The following PBX3 variants were observed in gnomAD, a reference collection of about 807,000 sequenced individuals.
The protein encoded by PBX3 is PBX homeobox 3, also known as pre-B-cell leukemia transcription factor 3.
A neutral mutation model predicts 48.5 loss-of-function variants in PBX3; 14 were observed. That is an observed-to-expected ratio of 0.29 (90% CI 0.19 to 0.45). The LOEUF is 0.45. Among genes scored for constraint, PBX3 ranks in the 20% least tolerant of loss-of-function variants. PBX3 has a pLI of 1.00. For synonymous variants in PBX3, 210 were observed against 200.3 expected, an observed-to-expected ratio of 1.05 and a Z score of -0.41; for missense variants, 386 against 546.7, an observed-to-expected ratio of 0.71 and a Z score of 2.93.
At chr9:125,902,652 A>G (rs969717644) in intron 2 of PBX3, among the ~76,000 whole-genome samples, 1 of 151,728 alleles carries the variant, frequency 6.6e-6, no homozygotes, top group African/African-American at 2.4e-5. Context: ...TAAATATTTG[A>G]AAGTATGCAC....
chr9:125,885,592 A>G (rs994885958), intron 2 of PBX3, among the ~76,000 whole-genome samples: 8 of 152,040 alleles, frequency 5.3e-5, no homozygotes, highest in African/African-American at 1.9e-4. Context: ...AAGGCTTCCA[A>G]CTGTGACACA....
chr9:125,793,442 T>G (rs2132072380), intron 2 of PBX3, among the ~76,000 whole-genome samples: 1 of 149,974 alleles, frequency 6.7e-6, no homozygotes, highest in East Asian at 1.9e-4. Context: ...TCCTTTTTTT[T>G]TGGTTGACAT....
intron 5 of PBX3, among the ~76,000 whole-genome samples, chr9:125,939,182 G>A (rs891873355): frequency 2.0e-5 from 3 of 151,960 alleles, no homozygotes; most frequent in South Asian, 2.1e-4. Context: ...AACAGTCCAC[G>A]CACTGCAAGA....
At chr9:125,872,304 G>A (rs1840143627) in intron 2 of PBX3, among the ~76,000 whole-genome samples, 1 of 152,168 alleles carries the variant, frequency 6.6e-6, no homozygotes, top group Non-Finnish European at 1.5e-5. Flanking sequence ...AAGATTGTCA[G>A]AGGGTACTAA....
chr9:125,853,692 G>C (rs1023937027), intron 2 of PBX3, among the ~76,000 whole-genome samples: 8 of 152,292 alleles, frequency 5.3e-5, no homozygotes, highest in African/African-American at 1.9e-4. Context: ...AATCACCTGG[G>C]TGAAAGGGTT....
intron 2 of PBX3, among the ~76,000 whole-genome samples, chr9:125,769,797 A>T (rs1746502605): frequency 6.6e-6 from 1 of 152,164 alleles, no homozygotes; most frequent in South Asian, 2.1e-4. Flanking sequence ...TAAGTCCTAG[A>T]GTGATTATTT....
At chr9:125,758,959 T>G (rs543863797) in intron 2 of PBX3, among the ~76,000 whole-genome samples, 46 of 152,224 alleles carry the variant, frequency 3.0e-4, no homozygotes, top group Non-Finnish European at 5.9e-4. Flanking sequence ...AATTTGCATA[T>G]GAGGAAGGTG....
chr9:125,908,361 A>C (rs2132444141), intron 2 of PBX3, among the ~76,000 whole-genome samples: 1 of 152,210 alleles, frequency 6.6e-6, no homozygotes, highest in East Asian at 1.9e-4. Flanking sequence ...CTGACAAGAC[A>C]GGAAATGGAA....
intron 3 of PBX3, among the ~76,000 whole-genome samples, chr9:125,919,110 C>T (rs1294563144): frequency 2.0e-5 from 3 of 152,068 alleles, no homozygotes; most frequent in African/African-American, 7.2e-5. Context: ...TGCTGGTACC[C>T]ATGTAGAACT....
chr9:125,844,808 A>G (rs921547724), intron 2 of PBX3: 1 of 152,116 alleles, frequency 6.6e-6, no homozygotes, highest in African/African-American at 2.4e-5. Context: ...CTCCAGGAAC[A>G]CTAAACCTTG....
At chr9:125,779,327 A>G (rs1170533940) in intron 2 of PBX3, among the ~76,000 whole-genome samples, 2 of 134,954 alleles carry the variant, frequency 1.5e-5, no homozygotes, top group Non-Finnish European at 3.1e-5. Flanking sequence ...GCAGGGTCAT[A>G]GGACAATAGT....
At chr9:125,874,210 G>T (rs904194624) in intron 2 of PBX3, among the ~76,000 whole-genome samples, 1 of 151,710 alleles carries the variant, frequency 6.6e-6, no homozygotes, top group South Asian at 2.1e-4. Flanking sequence ...TTAAAATATT[G>T]CCATAAAGAG....
intron 2 of PBX3, among the ~76,000 whole-genome samples, chr9:125,908,753 G>GTT (rs11376330): frequency 1.3e-5 from 2 of 151,766 alleles, no homozygotes; most frequent in African/African-American, 4.8e-5. Context: ...AAATAGTGCT[G>GTT]TTTTTTTTCT....
At chr9:125,959,616 A>G (rs1173938754) in intron 5 of PBX3, among the ~76,000 whole-genome samples, 1 of 152,216 alleles carries the variant, frequency 6.6e-6, no homozygotes, top group African/African-American at 2.4e-5. Flanking sequence ...GGAAGGCTTC[A>G]AACTACATAC....
chr9:125,832,037 A>G (rs912381738), intron 2 of PBX3, among the ~76,000 whole-genome samples: 13 of 152,196 alleles, frequency 8.5e-5, no homozygotes, highest in African/African-American at 2.7e-4. Flanking sequence ...GTGAGCTCAC[A>G]TTGATAATTC....
intron 2 of PBX3, among the ~76,000 whole-genome samples, chr9:125,870,097 A>G (rs1258827770): frequency 1.4e-5 from 2 of 141,250 alleles, no homozygotes; most frequent in Non-Finnish European, 3.3e-5. Context: ...TCACTGAGAC[A>G]GTAGCACTAT....
At chr9:125,926,387 G>T (rs990586721) in intron 3 of PBX3, among the ~76,000 whole-genome samples, 3 of 152,016 alleles carry the variant, frequency 2.0e-5, no homozygotes, top group South Asian at 4.1e-4. Context: ...GGGCGCAGTG[G>T]CATATGCCTG....
chr9:125,857,439 C>A (rs774659332), intron 2 of PBX3, among the ~76,000 whole-genome samples: 19 of 151,852 alleles, frequency 1.3e-4, no homozygotes, highest in Admixed American at 1.0e-3. Flanking sequence ...CAGATAAGTC[C>A]CTTCTCTCCC....
intron 2 of PBX3, among the ~76,000 whole-genome samples, chr9:125,849,422 A>G (rs1839517288): frequency 1.3e-5 from 2 of 151,982 alleles, no homozygotes; most frequent in South Asian, 4.1e-4. Context: ...GAAGAAGGTC[A>G]TGTTAATGTT....
Sources: gnomAD v4.1 joint callset for allele counts (sites outside exome capture counted in the v4.1 genomes callset) on GRCh38, gnomAD v4.1.1 for gene constraint, MANE v1.5 for transcripts, NCBI Gene and HGNC (gene_info 2026-07-23, HGNC 2026-07-21) for gene names.